KCNH7: variants seen among roughly 807,000 people sequenced by gnomAD.
KCNH7 encodes the protein potassium voltage-gated channel subfamily H member 7.
In KCNH7, 49 loss-of-function variants were observed where a neutral mutation model predicts 120.8. The observed-to-expected ratio is 0.41, with a 90% CI of 0.32 to 0.51. The LOEUF (loss-of-function observed/expected upper bound fraction) is 0.51, where lower values mean the gene tolerates loss of function less well. Among genes scored for constraint, KCNH7 ranks in the 20% least tolerant of loss-of-function variants. The pLI, the probability that KCNH7 is intolerant of heterozygous loss-of-function variation, is 0.38. For synonymous variants in KCNH7, 547 were observed against 516.1 expected (o/e 1.06, Z -0.81); for missense variants, 1,097 against 1,446.6 (o/e 0.76, Z 3.92).
chr2:162,817,025 T>C (rs532409181), intron 2 of KCNH7, among the ~76,000 whole-genome samples: 1 of 152,180 alleles, frequency 6.6e-6, no homozygotes, highest in East Asian at 1.9e-4. Context: ...GTAATGATCA[T>C]GTGGTTATAG....
chr2:162,394,429 T>C lies in KCNH7; in HGVS notation c.2670A>G (p.Leu890=). 2.5e-6 allele frequency: 4 copies of C among 1,606,690 alleles called. No individual in the cohort carries two copies. Among genetic ancestry groups the C allele is most frequent in the South Asian group, 2.2e-5 (2 of 90,866 alleles). ...TTTCAAATGACAATTTCCTTCTTCT[T>C]AGTTTACAGTTGTCTCCTTCTGAAT... ...MNDSEGDNCK[L]RRRKLSFESE... The change falls in exon 12 of 16, where the codon CTA becomes CTG. Residue 890 remains leucine (L), a synonymous_variant. Transcript: ENST00000332142.
At chr2:162,711,660 A>G (rs6734287) in intron 2 of KCNH7, among the ~76,000 whole-genome samples, 5,680 of 152,300 alleles carry the variant, frequency 0.037, 343 homozygotes, top group African/African-American at 0.13. Flanking sequence ...AGCAGTTAAC[A>G]TAACTCAAAA....
At position 162,692,760 on chromosome 2, in the gene KCNH7, T is replaced by G. The variant is rs550358812; in HGVS notation, c.307+143777A>C. Among the ~76,000 whole-genome samples, 121 of 152,274 alleles carry G rather than the reference T, an allele frequency of 7.9e-4. 1 individual carries two copies. Among genetic ancestry groups the G allele is most frequent in the Middle Eastern group, 3.4e-3 (1 of 294 alleles). On this transcript the variant is annotated intron_variant, in intron 2 of 15. Transcript: ENST00000332142. ...AAACACTGGAAAATAAAACAAATAT[T>G]AGTGTTCAAGAATTTGGGGCCACAT...
chr2:162,684,419 G>A (rs1043275422), intron 2 of KCNH7, among the ~76,000 whole-genome samples: 7 of 151,856 alleles, frequency 4.6e-5, no homozygotes, highest in African/African-American at 1.4e-4. Flanking sequence ...GGCAACCTAC[G>A]GAAAGGGAGA....
At chr2:162,748,942 C>A in intron 2 of KCNH7, among the ~76,000 whole-genome samples, 1 of 108,284 alleles carries the variant, frequency 9.2e-6, no homozygotes, top group African/African-American at 3.9e-5. Flanking sequence ...TTCCTTCCTT[C>A]CTTCCTTCCT....
chr2:162,562,004 G>A (rs1031018971), intron 2 of KCNH7, among the ~76,000 whole-genome samples: 6 of 152,016 alleles, frequency 3.9e-5, no homozygotes, highest in Non-Finnish European at 8.8e-5. Flanking sequence ...AGTGGGAGTC[G>A]ATCAATGAGA....
chr2:162,675,068 G>A (rs1279803404), intron 2 of KCNH7, among the ~76,000 whole-genome samples: 1 of 151,250 alleles, frequency 6.6e-6, no homozygotes, highest in Non-Finnish European at 1.5e-5. Flanking sequence ...AAATAATTAA[G>A]ACTACAATAA....
intron 2 of KCNH7, among the ~76,000 whole-genome samples, chr2:162,627,388 T>G (rs1455394297): frequency 6.6e-6 from 1 of 152,140 alleles, no homozygotes; most frequent in Non-Finnish European, 1.5e-5. Context: ...AAAAATTGAA[T>G]CCATGGACAC....
intron 2 of KCNH7, among the ~76,000 whole-genome samples, chr2:162,792,995 T>A (rs1348162981): frequency 6.6e-6 from 1 of 152,072 alleles, no homozygotes. Flanking sequence ...CTTAGCTGTG[T>A]CCCAGAGATT....
At chr2:162,617,237 T>C (rs1194253615) in intron 2 of KCNH7, among the ~76,000 whole-genome samples, 1 of 151,978 alleles carries the variant, frequency 6.6e-6, no homozygotes, top group Non-Finnish European at 1.5e-5. Context: ...CCCAGCACTT[T>C]GGGAGGCCGA....
intron 14 of KCNH7, among the ~76,000 whole-genome samples, chr2:162,374,016 TC>T (rs1686067102): frequency 6.6e-6 from 1 of 152,230 alleles, no homozygotes; most frequent in Admixed American, 6.5e-5. Context: ...TTACTCAGTT[TC>T]TTGTGAACAT....
intron 6 of KCNH7, among the ~76,000 whole-genome samples, chr2:162,495,683 G>A (rs1270010771): frequency 6.6e-6 from 1 of 152,160 alleles, no homozygotes; most frequent in Non-Finnish European, 1.5e-5. Context: ...AATCTCATCA[G>A]TTGTTTTCAA....
At chr2:162,632,701 A>G (rs1683816369) in intron 2 of KCNH7, among the ~76,000 whole-genome samples, 2 of 151,856 alleles carry the variant, frequency 1.3e-5, no homozygotes, top group Admixed American at 1.3e-4. Context: ...ACATATAAAT[A>G]TATGTTGAAT....
chr2:162,479,247 AT>A (rs1279191387), intron 6 of KCNH7, among the ~76,000 whole-genome samples: 1 of 151,194 alleles, frequency 6.6e-6, no homozygotes, highest in East Asian at 1.9e-4. Flanking sequence ...AATACAAATT[AT>A]TTATCTTAAA....
chr2:162,419,034 G>GA (rs1032758470), intron 9 of KCNH7, among the ~76,000 whole-genome samples: 3 of 151,612 alleles, frequency 2.0e-5, no homozygotes, highest in Non-Finnish European at 4.4e-5. Context: ...CCTTTATCAG[G>GA]ATTCATCTAG....
chr2:162,540,980 T>C (rs955024575), intron 2 of KCNH7, among the ~76,000 whole-genome samples: 3 of 152,050 alleles, frequency 2.0e-5, no homozygotes, highest in Non-Finnish European at 4.4e-5. Flanking sequence ...GATTTGCTGA[T>C]ACATTGGATG....
At chr2:162,721,024 T>C (rs1687306555) in intron 2 of KCNH7, among the ~76,000 whole-genome samples, 2 of 152,106 alleles carry the variant, frequency 1.3e-5, no homozygotes, top group Admixed American at 1.3e-4. Context: ...ATTTCTGAGG[T>C]ATAGATACTA....
intron 2 of KCNH7, among the ~76,000 whole-genome samples, chr2:162,635,873 C>T (rs983871900): frequency 6.6e-6 from 1 of 151,978 alleles, no homozygotes. Context: ...CATCCACAAG[C>T]CAGAGGGATT....
intron 2 of KCNH7, among the ~76,000 whole-genome samples, chr2:162,735,033 C>T (rs1040971348): frequency 1.3e-5 from 2 of 152,118 alleles, no homozygotes; most frequent in African/African-American, 2.4e-5. Context: ...CCCTGGGACA[C>T]GACAAGGCTT....
Sources: allele counts gnomAD v4.1 joint callset (sites outside exome capture counted in the v4.1 genomes callset), GRCh38; gene constraint gnomAD v4.1.1; transcripts MANE v1.5; gene names NCBI Gene and HGNC (gene_info 2026-07-23, HGNC 2026-07-21).